The following TDRD3 variants were observed in gnomAD, a reference collection of about 807,000 sequenced individuals.
The protein encoded by TDRD3 is tudor domain-containing protein 3.
Under a neutral mutation model 86.7 loss-of-function variants are expected in TDRD3, and 45 were observed. That is an observed-to-expected ratio of 0.52 (90% CI 0.41 to 0.67). TDRD3 has a LOEUF of 0.67. Ranked by LOEUF, TDRD3 falls within the 30% of genes least tolerant of loss-of-function variation. The probability of loss-of-function intolerance (pLI) is 0.00; values close to 1 mark genes in which losing one functional copy is unlikely to be tolerated. For missense variants in TDRD3, 814 were observed against 889.0 expected, an observed-to-expected ratio of 0.92 and a Z score of 1.07; for synonymous variants, 298 against 301.7, an observed-to-expected ratio of 0.99 and a Z score of 0.13.
At chr13:60,396,089 T>A (rs1402428822), upstream of TDRD3, among the ~76,000 whole-genome samples, 1 of 152,130 alleles carries the variant, frequency 6.6e-6, no homozygotes, top group Non-Finnish European at 1.5e-5. Flanking sequence ...AACTGCCAAT[T>A]TCCTCCCCAA....
rs765507725 is a variant in TDRD3 at position 60,467,310 on chromosome 13, G to T, written c.426G>T (p.Leu142Phe). ...IVDIKNGFLL[L>F]NDSNTTVLGG... ...ACATAAAAAATGGATTCCTGCTCTTGAATGACTCTAACACCACAGTTCTTG... is the reference window on the plus strand; with the variant it reads ...ACATAAAAAATGGATTCCTGCTCTTTAATGACTCTAACACCACAGTTCTTG... The change falls in exon 5 of 14, where the codon TTG becomes TTT. Residue 142 changes from leucine to phenylalanine, a missense_variant. By Grantham distance (22) the Leu-to-Phe change is conservative. Coordinates refer to ENST00000377881, the MANE Select transcript of TDRD3 (RefSeq NM_001146070.2). 2 of 1,613,862 alleles carry T rather than the reference G, an allele frequency of 1.2e-6. No individual in the cohort carries two copies. Among genetic ancestry groups the T allele is most frequent in the South Asian group, 2.2e-5 (2 of 91,052 alleles).
chr13:60,439,881 C>G, intron 2 of TDRD3, 109 bp downstream of exon 2: 2 of 635,774 alleles, frequency 3.1e-6, no homozygotes, highest in Middle Eastern at 9.0e-4. Flanking sequence ...GAACATCTTT[C>G]TTATTTTGTC....
At chr13:60,486,158 A>T (rs751230904) in intron 7 of TDRD3, among the ~76,000 whole-genome samples, 1 of 152,148 alleles carries the variant, frequency 6.6e-6, no homozygotes, top group Non-Finnish European at 1.5e-5. Context: ...TCTCCATGGT[A>T]GTTCCAGTAA....
intron 12 of TDRD3, among the ~76,000 whole-genome samples, chr13:60,565,363 C>CT (rs1178425710): frequency 6.6e-6 from 1 of 152,026 alleles, no homozygotes; most frequent in African/African-American, 2.4e-5. Flanking sequence ...CCGTCAGTAT[C>CT]TTTTTTACTT....
chr13:60,414,272 C>T (rs1395603542), intron 1 of TDRD3, among the ~76,000 whole-genome samples: 1 of 152,006 alleles, frequency 6.6e-6, no homozygotes, highest in African/African-American at 2.4e-5. Context: ...AAGGAGTTGG[C>T]AGACTATGAC....
In TDRD3 at chr13:60,416,492, G is replaced by C. The variant is rs540992292; in HGVS notation, c.41+19087G>C. 1.4e-4 allele frequency among the ~76,000 whole-genome samples: 21 copies of C among 152,250 alleles called. No homozygotes were observed. The East Asian group carries it at 3.1e-3, about 22-fold the overall frequency. On this transcript the variant is annotated intron_variant, in intron 1 of 13. Transcript: ENST00000377881. ...TACCAAGTAGATATTTATTAAGCAAGACTTTTTTCTCCAAAATCTGAGTTT... is the reference window on the plus strand; with the variant it reads ...TACCAAGTAGATATTTATTAAGCAACACTTTTTTCTCCAAAATCTGAGTTT...
intron 5 of TDRD3, among the ~76,000 whole-genome samples, chr13:60,477,936 C>T (rs867719347): frequency 2.6e-5 from 4 of 152,096 alleles, no homozygotes; most frequent in African/African-American, 9.7e-5. Flanking sequence ...GGAACAGTTT[C>T]GGTAGGATTG....
intron 8 of TDRD3, among the ~76,000 whole-genome samples, chr13:60,506,112 A>T (rs1314927557): frequency 6.6e-6 from 1 of 152,200 alleles, no homozygotes; most frequent in African/African-American, 2.4e-5. Flanking sequence ...GAAGGAAAAA[A>T]TATTAAGGGA....
At chr13:60,445,604 A>G (rs947397135) in intron 3 of TDRD3, among the ~76,000 whole-genome samples, 1 of 151,890 alleles carries the variant, frequency 6.6e-6, no homozygotes, top group Non-Finnish European at 1.5e-5. Context: ...AACAACCTCT[A>G]CTCCCATCTG....
intron 3 of TDRD3, among the ~76,000 whole-genome samples, chr13:60,446,740 T>G (rs531910343): frequency 1.3e-5 from 2 of 152,290 alleles, no homozygotes; most frequent in Non-Finnish European, 2.9e-5. Flanking sequence ...AGAGTACATA[T>G]TCAAGGAATA....
At chr13:60,496,287 CCATATATATATATATATA>C (rs1416355894) in intron 8 of TDRD3, among the ~76,000 whole-genome samples, 2 of 57,496 alleles carry the variant, frequency 3.5e-5, no homozygotes, top group Non-Finnish European at 6.2e-5. Flanking sequence ...TAACAAACTC[CCATATATATATATATATA>C]TATATATATA....
At chr13:60,511,896 A>C (rs1174142316) in intron 10 of TDRD3, among the ~76,000 whole-genome samples, 1 of 151,918 alleles carries the variant, frequency 6.6e-6, no homozygotes, top group Non-Finnish European at 1.5e-5. Flanking sequence ...GCTGCTTCAG[A>C]TCTTTCTTTT....
At chr13:60,447,659 C>T (rs1220896730) in intron 3 of TDRD3, among the ~76,000 whole-genome samples, 3 of 152,100 alleles carry the variant, frequency 2.0e-5, no homozygotes, top group Non-Finnish European at 4.4e-5. Context: ...AAACCCCATG[C>T]AGAATTCTAC....
At chr13:60,501,763 A>G (rs964647705) in intron 8 of TDRD3, among the ~76,000 whole-genome samples, 1 of 152,244 alleles carries the variant, frequency 6.6e-6, no homozygotes, top group African/African-American at 2.4e-5. Flanking sequence ...TAGGACAAGT[A>G]CTTACTATAC....
At position 60,397,304 on chromosome 13, in the gene TDRD3, T is replaced by C. The variant is rs1322488001; in HGVS notation, c.-61T>C. ...TTTTTTTAAGGGGGGGGGTCTCAAG[T>C]AGGAGGCCTCCCCATCACCCCCACC... On this transcript the variant is annotated 5_prime_UTR_variant, in exon 1 of 14. Transcript: ENST00000377881. 3 of 871,816 alleles carry C rather than the reference T, an allele frequency of 3.4e-6. No individual in the cohort carries two copies. The highest frequency in any genetic ancestry group is 3.7e-5 in the African/African-American group (2 of 54,620). The allele number at this position is 871,816 out of a possible 1,614,324, so 54.0% of individuals were successfully genotyped here. A position where few individuals can be genotyped will look rare whatever the true frequency, so the allele number is the denominator to read the frequency against.
At chr13:60,409,078 C>G (rs1954299723) in intron 1 of TDRD3, among the ~76,000 whole-genome samples, 1 of 152,242 alleles carries the variant, frequency 6.6e-6, no homozygotes, top group African/African-American at 2.4e-5. Context: ...ATAGCTTGGG[C>G]TGTGGCTTCA....
intron 2 of TDRD3, among the ~76,000 whole-genome samples, chr13:60,441,607 A>G (rs895112195): frequency 1.3e-5 from 2 of 152,172 alleles, no homozygotes; most frequent in African/African-American, 4.8e-5. Flanking sequence ...ATTTTTTTCA[A>G]CTTTTGAGTG....
At chr13:60,491,288 G>A (rs577274511) in intron 7 of TDRD3, among the ~76,000 whole-genome samples, 6 of 152,232 alleles carry the variant, frequency 3.9e-5, no homozygotes, top group East Asian at 3.9e-4. Context: ...TATCAGACAT[G>A]CATGTAGTAA....
At chr13:60,401,774 T>C (rs538806400) in intron 1 of TDRD3, among the ~76,000 whole-genome samples, 2 of 152,302 alleles carry the variant, frequency 1.3e-5, no homozygotes, top group Non-Finnish European at 2.9e-5. Context: ...TTTGGGGTTA[T>C]CTCCATTTGA....
Sources: gnomAD v4.1 joint callset for allele counts (sites outside exome capture counted in the v4.1 genomes callset) on GRCh38, gnomAD v4.1.1 for gene constraint, MANE v1.5 for transcripts, NCBI Gene and HGNC (gene_info 2026-07-23, HGNC 2026-07-21) for gene names.